Variants in PPP2R5E observed in about 807,000 individuals in gnomAD.
PPP2R5E encodes protein phosphatase 2 regulatory subunit B'epsilon.
PPP2R5E carries 4 observed loss-of-function variants against 65.3 expected under a neutral mutation model. The ratio of observed to expected loss-of-function variants is 0.06; its 90% CI spans 0.03 to 0.14. The LOEUF (loss-of-function observed/expected upper bound fraction) is 0.14. Among genes scored for constraint, PPP2R5E ranks in the 10% least tolerant of loss-of-function variants. The pLI is 1.00. For missense variants in PPP2R5E, 274 were observed against 556.1 expected (o/e 0.49, Z 5.10); for synonymous variants, 183 against 187.4 (o/e 0.98, Z 0.19).
intron 2 of PPP2R5E, among the ~76,000 whole-genome samples, chr14:63,488,098 T>C (rs1410920573): frequency 3.9e-5 from 6 of 152,178 alleles, no homozygotes; most frequent in African/African-American, 1.4e-4. Flanking sequence ...TTCCACCCCA[T>C]CTCACCCACA....
intron 2 of PPP2R5E, among the ~76,000 whole-genome samples, chr14:63,479,764 T>C (rs185682893): frequency 8.5e-5 from 13 of 152,130 alleles, no homozygotes; most frequent in Non-Finnish European, 1.6e-4. Context: ...ATGAAACTGA[T>C]GGAGAGGGAA....
At chr14:63,506,481 A>C (rs1427390207) in intron 2 of PPP2R5E, among the ~76,000 whole-genome samples, 2 of 152,150 alleles carry the variant, frequency 1.3e-5, no homozygotes, top group Non-Finnish European at 2.9e-5. Flanking sequence ...TAATAATAAC[A>C]AAAAGATAAT....
intron 1 of PPP2R5E, among the ~76,000 whole-genome samples, chr14:63,540,977 T>C (rs1272992682): frequency 3.3e-5 from 5 of 152,192 alleles, no homozygotes; most frequent in Non-Finnish European, 5.9e-5. Flanking sequence ...AAAACTTCCA[T>C]TGATACATTT....
intron 3 of PPP2R5E, among the ~76,000 whole-genome samples, chr14:63,427,199 G>T (rs1003685158): frequency 1.1e-4 from 16 of 152,154 alleles, no homozygotes; most frequent in Non-Finnish European, 1.5e-5. Context: ...AGCCTATGCG[G>T]CTAGATTAAA....
At chr14:63,441,012 C>T (rs576895623) in intron 3 of PPP2R5E, among the ~76,000 whole-genome samples, 38 of 150,442 alleles carry the variant, frequency 2.5e-4, no homozygotes, top group African/African-American at 8.8e-4. Context: ...AAATCTCAAT[C>T]ACCCAGGTGA....
At chr14:63,396,515 T>G (rs1381310279) in intron 6 of PPP2R5E, 71 bp downstream of exon 6, 2 of 1,540,990 alleles carry the variant, frequency 1.3e-6, no homozygotes, top group East Asian at 4.5e-5. Context: ...TTTCAGATAT[T>G]TGAGATTTAC....
chr14:63,467,234 ACAAACAAAC>A lies in PPP2R5E; in HGVS notation c.158-13358_158-13350del, dbSNP rs1566724719. Among the ~76,000 whole-genome samples, 63 of 131,336 alleles carry A rather than the reference ACAAACAAAC, an allele frequency of 4.8e-4. 5 individuals are homozygous for A. The highest frequency in any genetic ancestry group is 2.1e-3 in the African/African-American group (54 of 25,918). The allele number at this position is 131,336 out of a possible 152,430, so 86.2% of individuals were successfully genotyped here. The stretch of plus-strand genomic sequence containing the variant: ...CAAGACTCCGTCTCAAAAAAAACAA[ACAAACAAAC>A]AAAAAAAACACTATTTACAACATGT... On this transcript the variant is annotated intron_variant, in intron 2 of 13. Coordinates refer to ENST00000337537, the MANE Select transcript of PPP2R5E (RefSeq NM_006246.5).
intron 2 of PPP2R5E, among the ~76,000 whole-genome samples, chr14:63,534,550 A>G (rs1479238797): frequency 2.6e-5 from 4 of 152,164 alleles, no homozygotes; most frequent in Admixed American, 1.3e-4. Flanking sequence ...CTTATCAAGT[A>G]AGTAAGGCAC....
intron 2 of PPP2R5E, among the ~76,000 whole-genome samples, chr14:63,527,726 G>A (rs1432351532): frequency 6.6e-6 from 1 of 152,120 alleles, no homozygotes; most frequent in East Asian, 1.9e-4. Context: ...ACACGGTCAG[G>A]AGTTCAAGAC....
At position 63,377,659 on chromosome 14, in the gene PPP2R5E, A is replaced by G. The variant is rs188552208; in HGVS notation, c.1305-1551T>C. On this transcript the variant is annotated intron_variant, in intron 13 of 13. Transcript: ENST00000337537. The stretch of plus-strand genomic sequence containing the variant: ...ATGGTAATTAATATCATGATCTAAT[A>G]GGTAATATTTTCATAACTTAGGCCT... Among the ~76,000 whole-genome samples the G allele has an allele frequency of 7.9e-5, 12 of 152,356 alleles. No homozygotes were observed. The East Asian group carries it at 2.3e-3, about 29-fold the overall frequency.
At chr14:63,463,496 C>CA (rs909615604) in intron 2 of PPP2R5E, among the ~76,000 whole-genome samples, 15 of 148,670 alleles carry the variant, frequency 1.0e-4, no homozygotes, top group East Asian at 7.9e-4. Context: ...AGAACCTAAC[C>CA]AAAAAAAAAT....
intron 2 of PPP2R5E, among the ~76,000 whole-genome samples, chr14:63,533,991 T>C (rs531243735): frequency 5.3e-5 from 8 of 152,264 alleles, no homozygotes; most frequent in African/African-American, 1.9e-4. Flanking sequence ...ACTTTCACTA[T>C]AATTCCATCT....
At chr14:63,488,830 C>A (rs1250861897) in intron 2 of PPP2R5E, among the ~76,000 whole-genome samples, 2 of 151,560 alleles carry the variant, frequency 1.3e-5, no homozygotes, top group Admixed American at 1.3e-4. Flanking sequence ...GACTGGGCGA[C>A]AGAGCAAGAC....
intron 3 of PPP2R5E, among the ~76,000 whole-genome samples, chr14:63,435,122 G>A (rs1318562765): frequency 6.6e-6 from 1 of 152,162 alleles, no homozygotes; most frequent in Non-Finnish European, 1.5e-5. Flanking sequence ...TTTCTGGGGA[G>A]ATGACAATGT....
intron 2 of PPP2R5E, among the ~76,000 whole-genome samples, chr14:63,497,554 G>A (rs1891630408): frequency 6.6e-6 from 1 of 151,696 alleles, no homozygotes; most frequent in African/African-American, 2.4e-5. Flanking sequence ...TTCGAGACCA[G>A]CCTGGTCAAC....
At chr14:63,419,977 A>C (rs562841870) in intron 4 of PPP2R5E, among the ~76,000 whole-genome samples, 3 of 152,250 alleles carry the variant, frequency 2.0e-5, no homozygotes, top group African/African-American at 7.2e-5. Flanking sequence ...GCAGAATTAA[A>C]GAGTTTCAGA....
chr14:63,423,717 T>A (rs560184446), intron 3 of PPP2R5E, among the ~76,000 whole-genome samples: 1 of 152,346 alleles, frequency 6.6e-6, no homozygotes, highest in South Asian at 2.1e-4. Context: ...CCACATAATC[T>A]GAATGTGTTT....
intron 2 of PPP2R5E, among the ~76,000 whole-genome samples, chr14:63,505,630 C>A (rs926283641): frequency 2.6e-5 from 4 of 152,340 alleles, no homozygotes; most frequent in Admixed American, 1.3e-4. Context: ...TCTGCACACA[C>A]TCTACAATCT....
At chr14:63,457,078 C>G (rs61983964) in intron 2 of PPP2R5E, among the ~76,000 whole-genome samples, 1 of 152,132 alleles carries the variant, frequency 6.6e-6, no homozygotes, top group Non-Finnish European at 1.5e-5. Context: ...GATGACCAGT[C>G]CAAACAAGAG....
Sources: gnomAD v4.1 joint callset for allele counts (sites outside exome capture counted in the v4.1 genomes callset) on GRCh38, gnomAD v4.1.1 for gene constraint, MANE v1.5 for transcripts, NCBI Gene and HGNC (gene_info 2026-07-23, HGNC 2026-07-21) for gene names.